CDH13: variants seen among roughly 807,000 people sequenced by gnomAD.
CDH13 encodes cadherin 13.
A neutral mutation model predicts 63.8 loss-of-function variants in CDH13; 24 were observed. That is an observed-to-expected ratio of 0.38 (90% CI 0.27 to 0.53). The LOEUF (loss-of-function observed/expected upper bound fraction) is 0.53. CDH13 is among the 20% of genes least tolerant of loss of function. The pLI is 0.85. For synonymous variants in CDH13, 503 were observed against 355.3 expected (o/e 1.42, Z -4.67); for missense variants, 1,049 against 903.1 (o/e 1.16, Z -2.07).
intron 10 of CDH13, among the ~76,000 whole-genome samples, chr16:83,734,095 CA>C (rs1911302370): frequency 6.6e-6 from 1 of 151,976 alleles, no homozygotes; most frequent in Non-Finnish European, 1.5e-5. Context: ...AATCATGAAC[CA>C]AAAAACAGGG....
At chr16:83,623,741 GA>G (rs1400427469) in intron 8 of CDH13, among the ~76,000 whole-genome samples, 1 of 152,152 alleles carries the variant, frequency 6.6e-6, no homozygotes, top group Non-Finnish European at 1.5e-5. Flanking sequence ...TGGCTGAAAA[GA>G]AAGTCTCAAC....
chr16:83,182,886 T>G (rs967288207), intron 4 of CDH13, among the ~76,000 whole-genome samples: 3 of 152,152 alleles, frequency 2.0e-5, no homozygotes, highest in Admixed American at 6.5e-5. Flanking sequence ...GCATTTGCAT[T>G]TTTCCTTTTC....
At chr16:83,311,101 T>A (rs901947760) in intron 5 of CDH13, among the ~76,000 whole-genome samples, 2 of 152,210 alleles carry the variant, frequency 1.3e-5, no homozygotes, top group African/African-American at 4.8e-5. Flanking sequence ...GACGTCTCGG[T>A]TCTGTTCTTC....
chr16:83,311,167 A>C (rs538249340), intron 5 of CDH13, among the ~76,000 whole-genome samples: 18 of 152,214 alleles, frequency 1.2e-4, no homozygotes, highest in South Asian at 4.2e-4. Context: ...TCAAGTTCCT[A>C]CTTGTCATAT....
intron 3 of CDH13, among the ~76,000 whole-genome samples, chr16:83,087,821 T>G (rs112885431): frequency 3.4e-4 from 52 of 152,088 alleles, no homozygotes; most frequent in Non-Finnish European, 1.6e-4. Context: ...GAATATAAAA[T>G]GGGTGCTAAT....
intron 4 of CDH13, among the ~76,000 whole-genome samples, chr16:83,206,809 A>G (rs2039196768): frequency 6.6e-6 from 1 of 152,224 alleles, no homozygotes; most frequent in Non-Finnish European, 1.5e-5. Context: ...TCTCCAATCA[A>G]GAGACCAAGG....
chr16:82,978,783 T>C (rs62037236), intron 2 of CDH13, among the ~76,000 whole-genome samples: 2,664 of 152,192 alleles, frequency 0.018, 28 homozygotes, highest in Non-Finnish European at 0.027. Flanking sequence ...AAATATGGGG[T>C]TGGAGCCCCC....
At chr16:83,005,674 C>T (rs974920413) in intron 2 of CDH13, among the ~76,000 whole-genome samples, 5 of 152,252 alleles carry the variant, frequency 3.3e-5, no homozygotes, top group African/African-American at 1.2e-4. Context: ...CATCACAGCT[C>T]ATGCATGCCT....
chr16:83,685,740 A>C (rs1390445570), intron 10 of CDH13, among the ~76,000 whole-genome samples: 1 of 152,216 alleles, frequency 6.6e-6, no homozygotes, highest in Non-Finnish European at 1.5e-5. Context: ...GAAGGAGCAG[A>C]GTGGCACAAA....
chr16:83,018,790 G>A (rs1436316955), intron 2 of CDH13, among the ~76,000 whole-genome samples: 2 of 152,216 alleles, frequency 1.3e-5, no homozygotes, highest in African/African-American at 2.4e-5. Flanking sequence ...GCACGGTGCT[G>A]TACTGAGTGC....
chr16:83,709,348 A>T (rs1907650183), intron 10 of CDH13, among the ~76,000 whole-genome samples: 1 of 152,194 alleles, frequency 6.6e-6, no homozygotes, highest in African/African-American at 2.4e-5. Flanking sequence ...CTGAGATATT[A>T]ACCTTCATCT....
intron 4 of CDH13, among the ~76,000 whole-genome samples, chr16:83,176,306 T>C (rs1165067805): frequency 6.6e-6 from 1 of 151,822 alleles, no homozygotes; most frequent in African/African-American, 2.4e-5. Flanking sequence ...GGTCAGGAGT[T>C]CGAGACCAGC....
chr16:83,526,353 T>C (rs2074958748), intron 7 of CDH13, among the ~76,000 whole-genome samples: 1 of 152,154 alleles, frequency 6.6e-6, no homozygotes, highest in African/African-American at 2.4e-5. Context: ...CAGAAACCAG[T>C]TTCATGGAAG....
intron 3 of CDH13, among the ~76,000 whole-genome samples, chr16:83,076,201 C>G (rs2032824309): frequency 6.6e-6 from 1 of 152,128 alleles, no homozygotes; most frequent in Non-Finnish European, 1.5e-5. Context: ...TACTCAGGCA[C>G]AAAGAGCTTT....
intron 2 of CDH13, among the ~76,000 whole-genome samples, chr16:82,894,760 G>A (rs1375248952): frequency 2.0e-5 from 3 of 152,362 alleles, no homozygotes; most frequent in South Asian, 2.1e-4. Flanking sequence ...GCATGGCCAC[G>A]GCAGGCCTTC....
At chr16:83,627,840 A>C (rs1382966676) in intron 8 of CDH13, among the ~76,000 whole-genome samples, 1 of 152,236 alleles carries the variant, frequency 6.6e-6, no homozygotes, top group Non-Finnish European at 1.5e-5. Context: ...TGGCTACACC[A>C]TAGACAGAGC....
chr16:83,528,273 T>C (rs1166731043), intron 7 of CDH13, among the ~76,000 whole-genome samples: 1 of 152,222 alleles, frequency 6.6e-6, no homozygotes, highest in African/African-American at 2.4e-5. Flanking sequence ...ATAATAAGGA[T>C]GAGGAAATTT....
At chr16:83,607,059 A>C (rs1451785396) in intron 8 of CDH13, among the ~76,000 whole-genome samples, 1 of 151,982 alleles carries the variant, frequency 6.6e-6, no homozygotes, top group Non-Finnish European at 1.5e-5. Context: ...GGTATGTTGC[A>C]TTTATAGTGT....
At chr16:83,305,520 A>C (rs1390860962) in intron 5 of CDH13, among the ~76,000 whole-genome samples, 1 of 152,182 alleles carries the variant, frequency 6.6e-6, no homozygotes, top group Non-Finnish European at 1.5e-5. Context: ...CTTTCTTTGT[A>C]CAGCGTTGCG....
Sources: gnomAD v4.1 joint callset for allele counts (sites outside exome capture counted in the v4.1 genomes callset) on GRCh38, gnomAD v4.1.1 for gene constraint, MANE v1.5 for transcripts, NCBI Gene and HGNC (gene_info 2026-07-23, HGNC 2026-07-21) for gene names.